The following SPTLC2 variants were observed in gnomAD, a reference collection of about 807,000 sequenced individuals.
The protein encoded by SPTLC2 is serine palmitoyltransferase long chain base subunit 2, also known as serine palmitoyltransferase 2.
Under a neutral mutation model 62.0 loss-of-function variants are expected in SPTLC2, and 21 were observed. The ratio of observed to expected loss-of-function variants is 0.34; its 90% CI spans 0.24 to 0.49. The LOEUF (loss-of-function observed/expected upper bound fraction) is 0.49, where lower values mean the gene tolerates loss of function less well. Among genes scored for constraint, SPTLC2 ranks in the 20% least tolerant of loss-of-function variants. SPTLC2 has a pLI of 0.99. For missense variants in SPTLC2, 511 were observed against 713.0 expected (o/e 0.72, Z 3.23); for synonymous variants, 261 against 261.8 (o/e 1.00, Z 0.03).
chr14:77,552,274 C>T (rs768100043), intron 8 of SPTLC2, 52 bp from the exon 9 acceptor site: 3 of 1,604,646 alleles, frequency 1.9e-6, no homozygotes, highest in South Asian at 1.1e-5. Context: ...CATTCACCGG[C>T]AATGTCAGTC....
chr14:77,587,789 T>C lies in SPTLC2; in HGVS notation c.328-8680A>G, dbSNP rs183900101. ...ATAATAATAATAATAATAATAATAA[T>C]AACTAATGCTGTTTGCTGGTATGAT... On this transcript the variant is annotated intron_variant, in intron 2 of 11. Transcript: ENST00000216484. Among the ~76,000 whole-genome samples the C allele has an allele frequency of 2.7e-5, 4 of 149,936 alleles. No individual in the cohort carries two copies. In the South Asian group the frequency reaches 6.3e-4, roughly 24 times the overall value.
chr14:77,599,999 C>A (rs773908217), intron 1 of SPTLC2, among the ~76,000 whole-genome samples: 1 of 152,166 alleles, frequency 6.6e-6, no homozygotes, highest in African/African-American at 2.4e-5. Flanking sequence ...CTGTACACAT[C>A]ATTAAAAAGC....
chr14:77,591,631 G>A (rs2079817061), intron 2 of SPTLC2, among the ~76,000 whole-genome samples: 1 of 152,068 alleles, frequency 6.6e-6, no homozygotes, highest in Admixed American at 6.6e-5. Flanking sequence ...TGCAATCTTA[G>A]CTCACTGCAA....
At chr14:77,584,495 A>G (rs956601275) in intron 2 of SPTLC2, among the ~76,000 whole-genome samples, 4 of 139,722 alleles carry the variant, frequency 2.9e-5, no homozygotes, top group African/African-American at 1.1e-4. Context: ...AAATATACAT[A>G]CTCTGCACAC....
rs2079323931 is a variant in SPTLC2 at position 77,509,916 on chromosome 14, C to T, written c.*2368G>A. 3 of 398,272 alleles carry T rather than the reference C, an allele frequency of 7.5e-6. No homozygotes were observed. The highest frequency in any genetic ancestry group is 3.6e-5 in the East Asian group (1 of 28,026). The allele number at this position is 398,272 out of a possible 1,614,324, so 24.7% of individuals were successfully genotyped here. ...GATATATTTTAAATGCCGGTACTGA[C>T]ATTTGAATTTGCAGTGACTTCATGC... On this transcript the variant is annotated 3_prime_UTR_variant, in exon 12 of 12. Coordinates refer to ENST00000216484, the MANE Select transcript of SPTLC2 (RefSeq NM_004863.4).
intron 10 of SPTLC2, among the ~76,000 whole-genome samples, chr14:77,519,947 A>G (rs143183430): frequency 0.011 from 1,713 of 151,958 alleles, 34 homozygotes; most frequent in African/African-American, 0.039. Context: ...CACACATCTT[A>G]ATGCCTTTAC....
intron 9 of SPTLC2, among the ~76,000 whole-genome samples, chr14:77,537,720 T>C (rs1007920716): frequency 6.6e-6 from 1 of 152,224 alleles, no homozygotes; most frequent in African/African-American, 2.4e-5. Context: ...GTAAGCAACT[T>C]AACCTCTTTG....
rs1054630425 is a variant in SPTLC2 at position 77,556,983 on chromosome 14, A to G, written c.956+58T>C. 4 of 1,472,056 alleles carry G rather than the reference A, an allele frequency of 2.7e-6. No homozygotes were observed. In the Admixed American group the frequency reaches 6.7e-5, roughly 25 times the overall value. 91.2% of individuals were successfully genotyped at this position (1,472,056 alleles called of 1,614,324 possible). A position where few individuals can be genotyped will look rare whatever the true frequency, so the allele number is the denominator to read the frequency against. On this transcript the variant is annotated intron_variant, in intron 7 of 11. Transcript: ENST00000216484. The stretch of plus-strand genomic sequence containing the variant: ...TAGACTAATGTTCCCTTCAGTTAAA[A>G]AATTCTATGACTTCATGGGGCCAAG...
Position 77,579,667 on chromosome 14 carries a change from G to A in SPTLC2, c.328-558C>T, listed in dbSNP as rs376742126. On this transcript the variant is annotated intron_variant, in intron 2 of 11. Coordinates refer to ENST00000216484, the MANE Select transcript of SPTLC2 (RefSeq NM_004863.4). ...AGGCTGAGGCAGGGAGATCCCTTGTGCCCAGTAGATTGGGGCTGCAGTGAG... is the reference window on the plus strand; with the variant it reads ...AGGCTGAGGCAGGGAGATCCCTTGTACCCAGTAGATTGGGGCTGCAGTGAG... Among the ~76,000 whole-genome samples, 46 of 152,140 alleles carry A rather than the reference G, an allele frequency of 3.0e-4. 1 individual carries two copies. The South Asian group carries it at 9.2e-3, about 30-fold the overall frequency.
Position 77,562,452 on chromosome 14 carries a change from G to T in SPTLC2, c.794C>A (p.Ser265Ter), listed in dbSNP as rs2079619958. 6.2e-7 allele frequency: 1 copy of T among 1,614,018 alleles called. No individual in the cohort carries two copies. The highest frequency in any genetic ancestry group is 1.3e-5 in the African/African-American group (1 of 74,918). The stretch of plus-strand genomic sequence containing the variant: ...TGACAGTCTGGCTCCCAGAACCAGT[G>T]ATGCATGATTCAGTTCATCACTCAG... ...LILSDELNHA[S>*]LVLGARLSGA... Residue 265 changes from serine to a stop codon, truncating the protein, a stop_gained, in exon 6 of 12, where the codon TCA (serine) becomes TAA (stop). Transcript: ENST00000216484. LOFTEE classifies it high-confidence loss of function.
Position 77,539,978 on chromosome 14 carries a change from C to T in SPTLC2, c.1303+12118G>A, listed in dbSNP as rs148121972. ...TTGGGAGGCCGAGGCAGGCAGATCA[C>T]CTGGGGTCGGGAGTTCTAGACCAGC... On this transcript the variant is annotated intron_variant, in intron 9 of 11. Transcript: ENST00000216484. 6.1e-3 allele frequency among the ~76,000 whole-genome samples: 923 copies of T among 152,100 alleles called. 4 individuals carry two copies. The highest frequency in any genetic ancestry group is 0.021 in the African/African-American group (885 of 41,514).
intron 6 of SPTLC2, among the ~76,000 whole-genome samples, chr14:77,559,774 C>T (rs762483657): frequency 6.6e-6 from 1 of 152,060 alleles, no homozygotes; most frequent in African/African-American, 2.4e-5. Flanking sequence ...GCCTACAGTC[C>T]TAGCTACTCA....
chr14:77,509,680 T>A lies in SPTLC2; in HGVS notation c.*2604A>T, dbSNP rs2079322810. On this transcript the variant is annotated 3_prime_UTR_variant, in exon 12 of 12. Transcript: ENST00000216484. ...ACTTGTATTCCTCCAAGTACTTGGA[T>A]AAATGATGATACCTAGGATATGACT... The A allele has an allele frequency of 2.6e-6, 1 of 390,012 alleles. No homozygotes were observed. Among genetic ancestry groups the A allele is most frequent in the South Asian group, 1.4e-4 (1 of 6,930 alleles). The allele number at this position is 390,012 out of a possible 1,614,324, so 24.2% of individuals were successfully genotyped here. A position where few individuals can be genotyped will look rare whatever the true frequency, so the allele number is the denominator to read the frequency against.
chr14:77,588,867 G>A (rs137921883), intron 2 of SPTLC2, among the ~76,000 whole-genome samples: 75 of 151,254 alleles, frequency 5.0e-4, no homozygotes, highest in African/African-American at 1.7e-3. Flanking sequence ...ATGGTGGTAC[G>A]TGCCTGTAGT....
intron 9 of SPTLC2, among the ~76,000 whole-genome samples, chr14:77,539,143 T>C (rs2079485875): frequency 7.0e-6 from 1 of 143,844 alleles, no homozygotes; most frequent in Non-Finnish European, 1.5e-5. Flanking sequence ...TGTAAGATCA[T>C]TTATATTATT....
intron 5 of SPTLC2, among the ~76,000 whole-genome samples, chr14:77,565,795 G>A (rs558811362): frequency 8.7e-4 from 132 of 152,290 alleles, no homozygotes; most frequent in African/African-American, 2.9e-3. Flanking sequence ...TTATAGTATT[G>A]TGTCACAGTT....
Position 77,555,526 on chromosome 14 carries a change from A to C in SPTLC2, c.957-7T>G. ...AACAATAGATCCCTCCATGCTGGCA[A>C]AACATGAAAAAATATATATATACAC... On this transcript the variant is annotated splice_polypyrimidine_tract_variant and splice_region_variant and intron_variant, in intron 7 of 11. Coordinates refer to ENST00000216484, the MANE Select transcript of SPTLC2 (RefSeq NM_004863.4). 2 of 1,613,728 alleles carry C rather than the reference A, an allele frequency of 1.2e-6. No homozygotes were observed. Among genetic ancestry groups the C allele is most frequent in the Non-Finnish European group, 1.7e-6 (2 of 1,179,678 alleles).
chr14:77,529,198 TAGAG>T (rs942751651), intron 9 of SPTLC2, among the ~76,000 whole-genome samples: 1 of 151,910 alleles, frequency 6.6e-6, no homozygotes, highest in African/African-American at 2.4e-5. Context: ...GATTATACTA[TAGAG>T]AGAGAAAGAA....
chr14:77,597,936 C>A (rs1479905033), intron 1 of SPTLC2, among the ~76,000 whole-genome samples: 2 of 151,804 alleles, frequency 1.3e-5, no homozygotes, highest in Non-Finnish European at 2.9e-5. Flanking sequence ...CCAGCCTGAT[C>A]ACATGGAGAA....
Sources: allele counts gnomAD v4.1 joint callset (sites outside exome capture counted in the v4.1 genomes callset), GRCh38; gene constraint gnomAD v4.1.1; transcripts MANE v1.5; gene names NCBI Gene and HGNC (gene_info 2026-07-23, HGNC 2026-07-21).